The following EBF2 variants were observed in gnomAD, a reference collection of about 807,000 sequenced individuals.
The protein encoded by EBF2 is transcription factor COE2.
Under a neutral mutation model 72.8 loss-of-function variants are expected in EBF2, and 21 were observed. The ratio of observed to expected loss-of-function variants is 0.29; its 90% CI spans 0.20 to 0.42. The LOEUF is 0.42. Ranked by LOEUF, EBF2 falls within the 10% of genes least tolerant of loss-of-function variation. EBF2 has a pLI of 1.00. For missense variants in EBF2, 637 were observed against 731.2 expected, an observed-to-expected ratio of 0.87 and a Z score of 1.49; for synonymous variants, 299 against 274.2, an observed-to-expected ratio of 1.09 and a Z score of -0.89.
intron 15 of EBF2, among the ~76,000 whole-genome samples, chr8:25,847,044 C>G (rs1801855113): frequency 6.6e-6 from 1 of 152,196 alleles, no homozygotes; most frequent in Non-Finnish European, 1.5e-5. Flanking sequence ...GCTCTGGAAT[C>G]TGCATGTCTG....
rs931451110 is a variant in EBF2 at position 25,843,995 on chromosome 8, A to G, written c.*614T>C. The G allele has an allele frequency of 3.3e-5, 5 of 152,342 alleles. No individual in the cohort carries two copies. The highest frequency in any genetic ancestry group is 7.3e-5 in the Non-Finnish European group (5 of 68,038). The allele number at this position is 152,342 out of a possible 1,614,324, so 9.4% of individuals were successfully genotyped here. A position where few individuals can be genotyped will look rare whatever the true frequency, so the allele number is the denominator to read the frequency against. On this transcript the variant is annotated 3_prime_UTR_variant, in exon 16 of 16. Coordinates refer to ENST00000520164, the MANE Select transcript of EBF2 (RefSeq NM_022659.4). ...GTCTTAATTTCTACCTCTACTTACAATAAGTTACACATTTATTTATTTAAA... is the reference window on the plus strand; with the variant it reads ...GTCTTAATTTCTACCTCTACTTACAGTAAGTTACACATTTATTTATTTAAA...
intron 6 of EBF2, among the ~76,000 whole-genome samples, chr8:25,983,449 T>G (rs1437934233): frequency 6.6e-6 from 1 of 152,204 alleles, no homozygotes; most frequent in Non-Finnish European, 1.5e-5. Flanking sequence ...CGTTTTATAA[T>G]TTAAAAGAAA....
intron 15 of EBF2, among the ~76,000 whole-genome samples, chr8:25,847,166 T>C (rs1210218889): frequency 6.6e-6 from 1 of 152,180 alleles, no homozygotes; most frequent in African/African-American, 2.4e-5. Context: ...GTTCGGCACC[T>C]TGCCTATAGT....
intron 7 of EBF2, among the ~76,000 whole-genome samples, chr8:25,893,077 A>G (rs956854175): frequency 2.0e-5 from 3 of 152,188 alleles, no homozygotes; most frequent in Non-Finnish European, 4.4e-5. Flanking sequence ...GCAGAGCCTC[A>G]TGGTCGCAAG....
chr8:25,908,802 T>C (rs1236709824), intron 6 of EBF2, among the ~76,000 whole-genome samples: 1 of 152,132 alleles, frequency 6.6e-6, no homozygotes, highest in East Asian at 1.9e-4. Flanking sequence ...AAGGTGGGCT[T>C]TGGTTTGTAC....
rs1287032894 is a variant in EBF2, at chr8:25,995,237, C to T, written c.551+37848G>A. 7.2e-5 allele frequency among the ~76,000 whole-genome samples: 11 copies of T among 152,230 alleles called. No homozygotes were observed. In the East Asian group the frequency reaches 1.5e-3, roughly 21 times the overall value. On this transcript the variant is annotated intron_variant, in intron 6 of 15. Transcript: ENST00000520164. ...AGGAGAATCGCTTGAATTTGGAAGACGGAGGTTGCAGTGAGCTGAGATCGC... is the reference window on the plus strand; with the variant it reads ...AGGAGAATCGCTTGAATTTGGAAGATGGAGGTTGCAGTGAGCTGAGATCGC...
At chr8:25,888,711 G>A (rs1802731254) in intron 8 of EBF2, among the ~76,000 whole-genome samples, 1 of 152,084 alleles carries the variant, frequency 6.6e-6, no homozygotes. Flanking sequence ...CAGGCCTCTG[G>A]ACTTTATATC....
At chr8:25,914,438 C>G (rs1803178057) in intron 6 of EBF2, among the ~76,000 whole-genome samples, 1 of 152,180 alleles carries the variant, frequency 6.6e-6, no homozygotes, top group Non-Finnish European at 1.5e-5. Flanking sequence ...CTGGATACAT[C>G]TATTGGTTGT....
intron 6 of EBF2, among the ~76,000 whole-genome samples, chr8:26,015,761 T>A (rs1805101382): frequency 6.6e-6 from 1 of 152,214 alleles, no homozygotes; most frequent in South Asian, 2.1e-4. Context: ...CAAGCCTTTG[T>A]CCAACCATCA....
At chr8:26,013,713 C>T (rs1331816784) in intron 6 of EBF2, among the ~76,000 whole-genome samples, 1 of 151,712 alleles carries the variant, frequency 6.6e-6, no homozygotes, top group Non-Finnish European at 1.5e-5. Flanking sequence ...AAAATCAAGG[C>T]AAGACACAAC....
At position 25,934,954 on chromosome 8, in the gene EBF2, C is replaced by A. The variant is rs1490794483; in HGVS notation, c.552-26399G>T. ...TGCGAACTGCCGCAGTTGCTTCTAG[C>A]AAGGAGCACCAAGCCCACCCCATTA... On this transcript the variant is annotated intron_variant, in intron 6 of 15. Coordinates refer to ENST00000520164, the MANE Select transcript of EBF2 (RefSeq NM_022659.4). Among the ~76,000 whole-genome samples the A allele has an allele frequency of 2.0e-5, 3 of 152,182 alleles. 1 individual carries two copies. Among genetic ancestry groups the A allele is most frequent in the Admixed American group, 1.3e-4 (2 of 15,286 alleles).
chr8:25,914,962 TA>T (rs1191439936), intron 6 of EBF2, among the ~76,000 whole-genome samples: 1 of 152,198 alleles, frequency 6.6e-6, no homozygotes, highest in Non-Finnish European at 1.5e-5. Flanking sequence ...TTTTAAGCAA[TA>T]AATTTTCTTA....
At chr8:25,850,261 C>T (rs879939447) in intron 15 of EBF2, among the ~76,000 whole-genome samples, 3 of 152,086 alleles carry the variant, frequency 2.0e-5, no homozygotes, top group Non-Finnish European at 2.9e-5. Flanking sequence ...TACAGGCACC[C>T]ACAAACACAC....
chr8:25,877,233 C>T (rs1384564125), intron 10 of EBF2, among the ~76,000 whole-genome samples: 1 of 152,198 alleles, frequency 6.6e-6, no homozygotes, highest in Non-Finnish European at 1.5e-5. Flanking sequence ...AACAACCAGT[C>T]ACTGTGGTTC....
chr8:26,001,123 G>A (rs1194403065), intron 6 of EBF2, among the ~76,000 whole-genome samples: 1 of 152,204 alleles, frequency 6.6e-6, no homozygotes, highest in Non-Finnish European at 1.5e-5. Context: ...AGCACCAAGT[G>A]CATGCTAAGT....
chr8:25,854,089 G>GA (rs934423498), intron 14 of EBF2, among the ~76,000 whole-genome samples: 4 of 151,994 alleles, frequency 2.6e-5, no homozygotes, highest in African/African-American at 7.2e-5. Flanking sequence ...TTTAAAAATG[G>GA]AAAATCTCGA....
intron 6 of EBF2, among the ~76,000 whole-genome samples, chr8:25,915,250 T>C (rs1467261862): frequency 6.6e-6 from 1 of 150,770 alleles, no homozygotes; most frequent in Non-Finnish European, 1.5e-5. Flanking sequence ...CTTAGCAAAA[T>C]GCTGGTCTGT....
At chr8:26,010,088 G>C (rs1442359023) in intron 6 of EBF2, among the ~76,000 whole-genome samples, 1 of 152,160 alleles carries the variant, frequency 6.6e-6, no homozygotes, top group East Asian at 1.9e-4. Context: ...GAAAGTCGGG[G>C]GGAACAGAAA....
rs1801775263 is a variant in EBF2 at position 25,843,679 on chromosome 8, C to A, written c.*930G>T. 6.6e-6 allele frequency: 1 copy of A among 152,350 alleles called. No homozygotes were observed. Among genetic ancestry groups the A allele is most frequent in the Middle Eastern group, 3.4e-3 (1 of 294 alleles). The allele number at this position is 152,350 out of a possible 1,614,324, so 9.4% of individuals were successfully genotyped here. On this transcript the variant is annotated 3_prime_UTR_variant, in exon 16 of 16. Coordinates refer to ENST00000520164, the MANE Select transcript of EBF2 (RefSeq NM_022659.4). ...TAATAGGAATTTTAAAAAGTATTCA[C>A]AAGAGTGTGGACTATTTAGAAATCA...
Sources: allele counts gnomAD v4.1 joint callset (sites outside exome capture counted in the v4.1 genomes callset), GRCh38; gene constraint gnomAD v4.1.1; transcripts MANE v1.5; gene names NCBI Gene and HGNC (gene_info 2026-07-23, HGNC 2026-07-21).